Variants in DOCK1 observed in about 807,000 individuals in gnomAD.
DOCK1 encodes the protein dedicator of cytokinesis 1.
A neutral mutation model predicts 262.7 loss-of-function variants in DOCK1; 138 were observed. The ratio of observed to expected loss-of-function variants is 0.53; its 90% CI spans 0.46 to 0.61. The LOEUF is 0.61. Ranked by LOEUF, DOCK1 falls within the 20% of genes least tolerant of loss-of-function variation. DOCK1 has a pLI of 0.00. For missense variants in DOCK1, 1,908 were observed against 2,370.7 expected (o/e 0.80, Z 4.05); for synonymous variants, 866 against 867.4 (o/e 1.00, Z 0.03).
At chr10:127,287,478 C>A (rs2061199830) in intron 29 of DOCK1, among the ~76,000 whole-genome samples, 1 of 152,204 alleles carries the variant, frequency 6.6e-6, no homozygotes, top group Non-Finnish European at 1.5e-5. Context: ...GAATGAGCCA[C>A]TGCACCAGGC....
rs1048901548 is a variant in DOCK1, at chr10:126,990,595, T to C, written c.465T>C (p.Tyr155=). Residue 155 remains tyrosine, a synonymous_variant, in exon 6 of 52, where the codon TAT becomes TAC. Transcript: ENST00000623213. ...LKKKVTAKID[Y]GNRILDLDLV... is the part of the protein sequence containing the mutation. Reference sequence around the variant, plus strand: ...AGAAGGTCACAGCCAAAATTGATTATGGAAACAGGTTTGTTTATTTGAAAG... The same window carrying C: ...AGAAGGTCACAGCCAAAATTGATTACGGAAACAGGTTTGTTTATTTGAAAG... The C allele has an allele frequency of 5.0e-6, 8 of 1,613,524 alleles. No homozygotes were observed. Among genetic ancestry groups the C allele is most frequent in the African/African-American group, 4.0e-5 (3 of 74,932 alleles).
intron 38 of DOCK1, among the ~76,000 whole-genome samples, chr10:127,389,375 G>T (rs1464881739): frequency 6.6e-6 from 1 of 152,210 alleles, no homozygotes; most frequent in Non-Finnish European, 1.5e-5. Flanking sequence ...GGCCACGGCT[G>T]AAGGTTGAGA....
intron 28 of DOCK1, among the ~76,000 whole-genome samples, chr10:127,250,863 A>T (rs971307485): frequency 6.6e-6 from 1 of 150,804 alleles, no homozygotes; most frequent in African/African-American, 2.4e-5. Flanking sequence ...TAGACTGGAA[A>T]GTATGTGAAC....
intron 23 of DOCK1, among the ~76,000 whole-genome samples, chr10:127,063,540 C>T (rs925158963): frequency 1.3e-5 from 2 of 152,002 alleles, no homozygotes; most frequent in African/African-American, 2.4e-5. Flanking sequence ...GTGGTGCATA[C>T]ATTAAAATTT....
chr10:127,289,338 A>G (rs922624309), intron 29 of DOCK1, among the ~76,000 whole-genome samples: 2 of 152,146 alleles, frequency 1.3e-5, no homozygotes, highest in Admixed American at 1.3e-4. Flanking sequence ...ATGCATATTC[A>G]TATTTTCTTG....
At chr10:127,297,129 C>T (rs982894509) in intron 29 of DOCK1, among the ~76,000 whole-genome samples, 7 of 152,102 alleles carry the variant, frequency 4.6e-5, no homozygotes, top group African/African-American at 1.4e-4. Flanking sequence ...GATTTGCCCG[C>T]AAGCTAGTTG....
chr10:127,163,422 G>A (rs2053768090), intron 27 of DOCK1, among the ~76,000 whole-genome samples: 1 of 152,088 alleles, frequency 6.6e-6, no homozygotes, highest in African/African-American at 2.4e-5. Flanking sequence ...CACAATGTGG[G>A]CAGAGGTTTT....
chr10:127,238,659 G>A (rs965758403), intron 27 of DOCK1, among the ~76,000 whole-genome samples: 2 of 152,108 alleles, frequency 1.3e-5, no homozygotes, highest in African/African-American at 4.8e-5. Context: ...ATTGTCTCAA[G>A]CATCCCACAC....
intron 27 of DOCK1, among the ~76,000 whole-genome samples, chr10:127,195,363 G>A (rs1481914381): frequency 6.6e-6 from 1 of 152,192 alleles, no homozygotes; most frequent in Non-Finnish European, 1.5e-5. Flanking sequence ...CGGGCTGCCA[G>A]GCACCGGGAA....
chr10:127,287,373 A>G (rs902062378), intron 29 of DOCK1, among the ~76,000 whole-genome samples: 1 of 151,620 alleles, frequency 6.6e-6, no homozygotes, highest in African/African-American at 2.4e-5. Flanking sequence ...GTTTTTTTGT[A>G]TAGCTGCAAT....
At chr10:127,265,951 C>T (rs1220773763) in intron 29 of DOCK1, among the ~76,000 whole-genome samples, 2 of 152,198 alleles carry the variant, frequency 1.3e-5, no homozygotes, top group African/African-American at 4.8e-5. Context: ...CATTTGCTTT[C>T]GTTGCCGTGA....
At chr10:126,941,567 T>C (rs908111562) in intron 1 of DOCK1, among the ~76,000 whole-genome samples, 173 of 152,200 alleles carry the variant, frequency 1.1e-3, no homozygotes, top group Admixed American at 1.8e-3. Flanking sequence ...CCATCCTGGC[T>C]AACACGGTGA....
In DOCK1 at chr10:126,995,907, G is replaced by A. The variant is rs1449858338; in HGVS notation, c.474-841G>A. Among the ~76,000 whole-genome samples, 1 of 152,124 alleles carries A rather than the reference G, an allele frequency of 6.6e-6. No individual in the cohort carries two copies. The highest frequency in any genetic ancestry group is 1.9e-4 in the East Asian group (1 of 5,178). ...TCGAAGTAGAAGGGGAGACATGCAG[G>A]GATCCCTATTGGGGTCAGTGGGGAG... On this transcript the variant is annotated intron_variant, in intron 6 of 51. Transcript: ENST00000623213. This position sits in a 1 kb window ranked among gnomAD's most constrained non-coding sequence, Gnocchi z 5.8.
At chr10:127,094,335 G>T (rs2047769249) in intron 23 of DOCK1, among the ~76,000 whole-genome samples, 1 of 152,096 alleles carries the variant, frequency 6.6e-6, no homozygotes, top group Non-Finnish European at 1.5e-5. Flanking sequence ...TTTTTGGCAG[G>T]GTCACAATTC....
At chr10:127,414,332 G>A (rs2068034592) in intron 43 of DOCK1, among the ~76,000 whole-genome samples, 1 of 152,204 alleles carries the variant, frequency 6.6e-6, no homozygotes, top group Non-Finnish European at 1.5e-5. Context: ...GAAGATTGTT[G>A]CAAGCTAGAC....
chr10:126,947,228 GC>G (rs1176792737), intron 1 of DOCK1, among the ~76,000 whole-genome samples: 32 of 152,218 alleles, frequency 2.1e-4, no homozygotes, highest in Admixed American at 1.9e-3. Context: ...TGATGGTGGT[GC>G]TGGTAATGTG....
intron 1 of DOCK1, among the ~76,000 whole-genome samples, chr10:126,923,897 C>T (rs960655279): frequency 6.6e-6 from 1 of 152,200 alleles, no homozygotes; most frequent in Non-Finnish European, 1.5e-5. Flanking sequence ...AAGGTGCCTT[C>T]TATGAGCCAG....
intron 23 of DOCK1, among the ~76,000 whole-genome samples, chr10:127,064,684 C>T (rs1299973204): frequency 1.3e-5 from 2 of 152,214 alleles, no homozygotes; most frequent in African/African-American, 4.8e-5. Context: ...ACCGCCTCAC[C>T]GTCCCTCAGT....
intron 32 of DOCK1, among the ~76,000 whole-genome samples, chr10:127,357,344 G>A (rs532107280): frequency 5.9e-4 from 90 of 152,286 alleles, no homozygotes; most frequent in Admixed American, 2.2e-3. Flanking sequence ...TTTGTGCTAC[G>A]TGCCATGATA....
Sources: gnomAD v4.1 joint callset for allele counts (sites outside exome capture counted in the v4.1 genomes callset) on GRCh38, gnomAD v4.1.1 for gene constraint, Gnocchi (gnomAD v3.1) non-coding constraint, MANE v1.5 for transcripts, NCBI Gene and HGNC (gene_info 2026-07-23, HGNC 2026-07-21) for gene names.